Variants in HYCC1 observed in about 807,000 individuals in gnomAD.
HYCC1 encodes hyccin PI4KA lipid kinase complex subunit 1.
chr7:22,951,574 C>A, the HYCC1 span, among the ~76,000 whole-genome samples: 4 of 127,892 alleles, frequency 3.1e-5, no homozygotes, highest in African/African-American at 1.2e-4. Context: ...AATGCCATAC[C>A]AGAACAAATA....
At chr7:22,990,301 G>C in the HYCC1 span, among the ~76,000 whole-genome samples, 1 of 152,046 alleles carries the variant, frequency 6.6e-6, no homozygotes, top group Non-Finnish European at 1.5e-5. Context: ...TCTTTGGTTT[G>C]GTGAGATGGT....
At chr7:22,908,303 A>G in the HYCC1 span, among the ~76,000 whole-genome samples, 1 of 152,224 alleles carries the variant, frequency 6.6e-6, no homozygotes, top group Non-Finnish European at 1.5e-5. Context: ...ATTCCTTTTT[A>G]GTCTGACTTC....
chr7:22,942,612 G>C, the HYCC1 span: 1 of 152,138 alleles, frequency 6.6e-6, no homozygotes, highest in African/African-American at 2.4e-5. Flanking sequence ...GTGCAATGAA[G>C]CCACAATTTC....
At chr7:22,913,547 G>A in the HYCC1 span, among the ~76,000 whole-genome samples, 3 of 152,148 alleles carry the variant, frequency 2.0e-5, no homozygotes, top group Non-Finnish European at 4.4e-5. Context: ...AGTGAAAATG[G>A]CTGGTTCCCG....
chr7:23,008,236 T>G, the HYCC1 span, among the ~76,000 whole-genome samples: 26,974 of 152,084 alleles, frequency 0.18, 2,787 homozygotes, highest in Admixed American at 0.27. Flanking sequence ...GCCATCTTTC[T>G]ATGTTCCATC....
At chr7:22,905,062 C>G in the HYCC1 span, among the ~76,000 whole-genome samples, 1 of 151,880 alleles carries the variant, frequency 6.6e-6, no homozygotes, top group Non-Finnish European at 1.5e-5. Context: ...GAGGGAGGGG[C>G]CACACAGTTT....
At chr7:23,007,323 T>C in the HYCC1 span, among the ~76,000 whole-genome samples, 10 of 152,096 alleles carry the variant, frequency 6.6e-5, no homozygotes, top group Non-Finnish European at 1.2e-4. Context: ...CAGATAGAAA[T>C]TGAGTTTAAA....
the HYCC1 span, among the ~76,000 whole-genome samples, chr7:22,949,245 T>C: frequency 1.3e-5 from 2 of 152,166 alleles, no homozygotes; most frequent in South Asian, 4.1e-4. Context: ...AAACAATCTA[T>C]TAGTGAGCCT....
At chr7:22,971,878 A>C in the HYCC1 span, among the ~76,000 whole-genome samples, 1 of 152,182 alleles carries the variant, frequency 6.6e-6, no homozygotes, top group Non-Finnish European at 1.5e-5. Context: ...AAGATCACAC[A>C]CAAAAATCAT....
chr7:22,977,701 T>C, the HYCC1 span, among the ~76,000 whole-genome samples: 3 of 152,212 alleles, frequency 2.0e-5, no homozygotes, highest in African/African-American at 7.2e-5. Context: ...TAACAAGTTA[T>C]ATTTGCTAAG....
the HYCC1 span, among the ~76,000 whole-genome samples, chr7:22,962,288 G>A: frequency 0.059 from 8,934 of 152,252 alleles, 378 homozygotes; most frequent in Non-Finnish European, 0.087. Context: ...GGAGAGTACA[G>A]AATCTCTAAA....
chr7:22,983,327 T>TAAAAA, the HYCC1 span, among the ~76,000 whole-genome samples: 1 of 112,388 alleles, frequency 8.9e-6, no homozygotes, highest in African/African-American at 3.4e-5. Flanking sequence ...AGACCCTGTC[T>TAAAAA]CAAAAAAAAA....
At chr7:22,995,892 C>T in the HYCC1 span, among the ~76,000 whole-genome samples, 1 of 152,304 alleles carries the variant, frequency 6.6e-6, no homozygotes, top group African/African-American at 2.4e-5. Flanking sequence ...CTAACATCAA[C>T]ACGACGTCAT....
chr7:22,976,866 T>C, the HYCC1 span: 2 of 931,590 alleles, frequency 2.1e-6, no homozygotes, highest in South Asian at 2.6e-5. Context: ...AAAGGTGATA[T>C]ATAGAATATA....
chr7:22,914,320 C>G, the HYCC1 span, among the ~76,000 whole-genome samples: 7 of 152,198 alleles, frequency 4.6e-5, no homozygotes, highest in Admixed American at 1.3e-4. Flanking sequence ...CTCACCACCC[C>G]CCTTCTCCGT....
chr7:22,996,938 A>T, the HYCC1 span, among the ~76,000 whole-genome samples: 1 of 152,236 alleles, frequency 6.6e-6, no homozygotes, highest in Non-Finnish European at 1.5e-5. Flanking sequence ...TCAAAGATAA[A>T]AGAGACAATT....
the HYCC1 span, among the ~76,000 whole-genome samples, chr7:22,979,452 G>A: frequency 6.6e-6 from 1 of 152,190 alleles, no homozygotes; most frequent in African/African-American, 2.4e-5. Context: ...CAGAAAAACA[G>A]AGGGGCAGGA....
At chr7:22,899,856 C>CT in the HYCC1 span, among the ~76,000 whole-genome samples, 21 of 150,346 alleles carry the variant, frequency 1.4e-4, no homozygotes, top group African/African-American at 3.4e-4. Context: ...CTCTCTTTTG[C>CT]TTTTTTTTTA....
chr7:22,901,221 CAAAAAAA>C, the HYCC1 span, among the ~76,000 whole-genome samples: 3 of 21,506 alleles, frequency 1.4e-4, no homozygotes, highest in East Asian at 1.7e-3. Context: ...GACCCTGTCT[CAAAAAAA>C]AAAAAAAAAA....
Sources: allele counts gnomAD v4.1 joint callset (sites outside exome capture counted in the v4.1 genomes callset), GRCh38; gene constraint gnomAD v4.1.1; transcripts MANE v1.5; gene names NCBI Gene and HGNC (gene_info 2026-07-23, HGNC 2026-07-21).